The following MRPL3 variants were observed in gnomAD, a reference collection of about 807,000 sequenced individuals.
The protein encoded by MRPL3 is large ribosomal subunit protein uL3m.
Under a neutral mutation model 44.3 loss-of-function variants are expected in MRPL3, and 43 were observed. The observed-to-expected ratio is 0.97, with a 90% CI of 0.76 to 1.25. The LOEUF (loss-of-function observed/expected upper bound fraction) is 1.25, where lower values mean the gene tolerates loss of function less well. Among genes scored for constraint, MRPL3 ranks in the 50% most tolerant of loss-of-function variants. The pLI is 0.00. For missense variants in MRPL3, 406 were observed against 427.6 expected (o/e 0.95, Z 0.45); for synonymous variants, 171 against 152.3 (o/e 1.12, Z -0.91).
intron 6 of MRPL3, among the ~76,000 whole-genome samples, chr3:131,481,757 A>T (rs1933993836): frequency 6.6e-6 from 1 of 152,254 alleles, no homozygotes; most frequent in African/African-American, 2.4e-5. Context: ...TACAAAGATT[A>T]TTTCTCTCTA....
At chr3:131,464,397 T>C (rs17277065) in intron 9 of MRPL3, among the ~76,000 whole-genome samples, 18,199 of 152,190 alleles carry the variant, frequency 0.12, 1,454 homozygotes, top group South Asian at 0.23. Flanking sequence ...TTTGTCTTAG[T>C]GGTGCAAAAG....
In MRPL3 at chr3:131,488,404, T is replaced by C. The variant is rs990653522; in HGVS notation, c.569-664A>G. ...CTTTAAATGTACTTGGGAAATGTTA[T>C]TTTAAAAAGTTTTAAATTTTGTGAT... is the stretch of plus-strand genomic sequence containing the variant. On this transcript the variant is annotated intron_variant, in intron 5 of 9. Transcript: ENST00000264995. Among the ~76,000 whole-genome samples, 11 of 152,296 alleles carry C rather than the reference T, an allele frequency of 7.2e-5. No individual in the cohort carries two copies. The East Asian group carries it at 1.9e-3, about 27-fold the overall frequency.
chr3:131,493,621 T>G (rs762135923), intron 4 of MRPL3, among the ~76,000 whole-genome samples: 6 of 152,070 alleles, frequency 3.9e-5, no homozygotes, highest in Non-Finnish European at 7.4e-5. Flanking sequence ...GGGTATAAAG[T>G]TTGTCTAACT....
intron 6 of MRPL3, among the ~76,000 whole-genome samples, chr3:131,478,645 A>G (rs1933908615): frequency 6.6e-6 from 1 of 150,960 alleles, no homozygotes; most frequent in South Asian, 2.1e-4. Flanking sequence ...CTATCTTCCC[A>G]CTATTGTCAT....
At position 131,498,191 on chromosome 3, in the gene MRPL3, TAC is replaced by T. The variant is rs1306796564; in HGVS notation, c.454_455del (p.Val152IlefsTer5). The T allele has an allele frequency of 8.1e-6, 13 of 1,602,718 alleles. No individual in the cohort carries two copies. The highest frequency in any genetic ancestry group is 5.0e-5 in the Admixed American group (3 of 59,944). On this transcript the variant is annotated frameshift_variant, in exon 4 of 10. Transcript: ENST00000264995. LOFTEE classifies it high-confidence loss of function. ...MATLSVGGKT[V>X]SRFRKATSIL... ...AATACATCCTTACACGAAAACGTGA[TAC>T]AGTTTTTCCTCCTACAGACAGGGTT...
intron 6 of MRPL3, among the ~76,000 whole-genome samples, chr3:131,479,598 T>TA (rs1234010511): frequency 2.6e-5 from 4 of 152,072 alleles, no homozygotes; most frequent in Non-Finnish European, 1.5e-5. Flanking sequence ...GTAATCCCAG[T>TA]ACTTTGGGAG....
At chr3:131,488,513 T>G (rs1433129749) in intron 5 of MRPL3, among the ~76,000 whole-genome samples, 2 of 152,062 alleles carry the variant, frequency 1.3e-5, no homozygotes, top group Non-Finnish European at 2.9e-5. Context: ...TAGCAAACAT[T>G]TATAGGGCAC....
At chr3:131,467,423 C>A (rs1225574453) in intron 9 of MRPL3, among the ~76,000 whole-genome samples, 1 of 152,004 alleles carries the variant, frequency 6.6e-6, no homozygotes, top group Non-Finnish European at 1.5e-5. Flanking sequence ...TGCTTACTGG[C>A]CTGATATGGT....
chr3:131,471,622 A>C (rs1933745992), intron 6 of MRPL3, among the ~76,000 whole-genome samples: 2 of 152,180 alleles, frequency 1.3e-5, no homozygotes, highest in Admixed American at 1.3e-4. Flanking sequence ...AGAAGTTTCA[A>C]AGTACTTATA....
chr3:131,472,213 C>A (rs1449656298), intron 6 of MRPL3, among the ~76,000 whole-genome samples: 2 of 152,128 alleles, frequency 1.3e-5, no homozygotes, highest in Non-Finnish European at 2.9e-5. Context: ...AAATGCTGAA[C>A]AAATTTTATC....
chr3:131,462,846 C>G lies in MRPL3; in HGVS notation c.924G>C (p.Lys308Asn). ...GGAATGGTAGATTTTTACCGAGATC[C>G]TTATATGCAGGCAGTTTAGAATCTT... ...KVKDSKLPAYKDLGKNLPFPT... is the reference protein window; with the variant it reads ...KVKDSKLPAYNDLGKNLPFPT... The change falls in exon 10 of 10, where the codon AAG becomes AAC. Residue 308 changes from lysine (K) to asparagine (N), a missense_variant. Coordinates refer to ENST00000264995, the MANE Select transcript of MRPL3 (RefSeq NM_007208.4). 1 of 1,611,468 alleles carries G rather than the reference C, an allele frequency of 6.2e-7. No individual in the cohort carries two copies. Among genetic ancestry groups the G allele is most frequent in the South Asian group, 1.1e-5 (1 of 90,784 alleles).
Position 131,498,242 on chromosome 3 carries a change from C to T in MRPL3, c.405G>A (p.Lys135=). 1 of 1,612,156 alleles carries T rather than the reference C, an allele frequency of 6.2e-7. No individual in the cohort carries two copies. The highest frequency in any genetic ancestry group is 1.3e-5 in the African/African-American group (1 of 74,944). ...TTGCCATTTTTCCATTACAGTTTTC[C>T]TTTGACGTATATTTTAAGACATGAC... ...QDCHVLKYTS[K]ENCNGKMATL... The change falls in exon 4 of 10, where the codon AAG becomes AAA. Residue 135 remains lysine, a synonymous_variant. Coordinates refer to ENST00000264995, the MANE Select transcript of MRPL3 (RefSeq NM_007208.4).
At chr3:131,487,384 C>G in intron 6 of MRPL3, 2 of 259,958 alleles carry the variant, frequency 7.7e-6, no homozygotes, top group Non-Finnish European at 1.5e-5. Flanking sequence ...ACCAACATGG[C>G]ACACGTCTAC....
At chr3:131,501,081 C>T (rs1559835869) in intron 2 of MRPL3, among the ~76,000 whole-genome samples, 1 of 152,192 alleles carries the variant, frequency 6.6e-6, no homozygotes. Context: ...TAGAAAAGGC[C>T]TTATTCCTCT....
chr3:131,473,529 C>CAA (rs2110697996), intron 6 of MRPL3, among the ~76,000 whole-genome samples: 1 of 151,608 alleles, frequency 6.6e-6, no homozygotes, highest in Admixed American at 6.6e-5. Flanking sequence ...GCACAGGCAA[C>CAA]AAAAGAAAAG....
intron 9 of MRPL3, 101 bp downstream of exon 9, chr3:131,467,990 T>A: frequency 1.7e-6 from 1 of 580,094 alleles, no homozygotes. Flanking sequence ...ATGGCAAATA[T>A]CCACATATAT....
intron 4 of MRPL3, among the ~76,000 whole-genome samples, chr3:131,494,166 C>G (rs1445673205): frequency 6.6e-6 from 1 of 152,196 alleles, no homozygotes; most frequent in Non-Finnish European, 1.5e-5. Flanking sequence ...CTTTGATGTC[C>G]ACTGAAGACT....
At chr3:131,486,986 A>G (rs1320008571) in intron 6 of MRPL3, among the ~76,000 whole-genome samples, 1 of 152,212 alleles carries the variant, frequency 6.6e-6, no homozygotes, top group Non-Finnish European at 1.5e-5. Flanking sequence ...TCATGCTACT[A>G]TAAAGACACA....
At chr3:131,498,843 A>G (rs1934430849) in intron 3 of MRPL3, among the ~76,000 whole-genome samples, 1 of 151,998 alleles carries the variant, frequency 6.6e-6, no homozygotes, top group Admixed American at 6.6e-5. Flanking sequence ...CTTCCCAATC[A>G]CCTCCTCATC....
Sources: allele counts gnomAD v4.1 joint callset (sites outside exome capture counted in the v4.1 genomes callset), GRCh38; gene constraint gnomAD v4.1.1; transcripts MANE v1.5; gene names NCBI Gene and HGNC (gene_info 2026-07-23, HGNC 2026-07-21).